Variants in NFATC1 observed in about 807,000 individuals in gnomAD.
NFATC1 encodes the protein nuclear factor of activated T cells 1.
A neutral mutation model predicts 76.0 loss-of-function variants in NFATC1; 22 were observed. That is an observed-to-expected ratio of 0.29 (90% CI 0.21 to 0.41). The LOEUF (loss-of-function observed/expected upper bound fraction) is 0.41, where lower values mean the gene tolerates loss of function less well. Ranked by LOEUF, NFATC1 falls within the 10% of genes least tolerant of loss-of-function variation. The pLI is 1.00. For missense variants in NFATC1, 1,357 were observed against 1,337.7 expected, an observed-to-expected ratio of 1.01 and a Z score of -0.23; for synonymous variants, 704 against 613.1, an observed-to-expected ratio of 1.15 and a Z score of -2.19.
chr18:79,519,994 C>G (rs1269288833), intron 9 of NFATC1, among the ~76,000 whole-genome samples: 1 of 152,192 alleles, frequency 6.6e-6, no homozygotes, highest in Admixed American at 6.5e-5. Flanking sequence ...GTTGTCCAGA[C>G]AGCAAGAAAC....
At position 79,465,204 on chromosome 18, in the gene NFATC1, T is replaced by A. The variant is rs1225924023; in HGVS notation, c.1960-2246T>A. On this transcript the variant is annotated intron_variant, in intron 7 of 9. Coordinates refer to ENST00000427363, the MANE Select transcript of NFATC1 (RefSeq NM_001278669.2). This position sits in a 1 kb window ranked among gnomAD's most constrained non-coding sequence, Gnocchi z 4.2. ...TTCTTCCGTGTTTCTTCTTTATCGC[T>A]TCCTTCTGTGTGTATTTAAGTGGCA... Among the ~76,000 whole-genome samples the A allele has an allele frequency of 6.6e-6, 1 of 152,176 alleles. No homozygotes were observed. Among genetic ancestry groups the A allele is most frequent in the Non-Finnish European group, 1.5e-5 (1 of 68,026 alleles).
intron 3 of NFATC1, among the ~76,000 whole-genome samples, chr18:79,437,705 C>T (rs1037317777): frequency 7.9e-5 from 12 of 152,238 alleles, no homozygotes; most frequent in Admixed American, 2.0e-4. Context: ...TCTGCCCTGA[C>T]GGCAGGCTCT....
At position 79,498,787 on chromosome 18, in the gene NFATC1, C is replaced by T. The variant is rs531158957; in HGVS notation, c.2782+11850C>T. Among the ~76,000 whole-genome samples, 10 of 152,352 alleles carry T rather than the reference C, an allele frequency of 6.6e-5. No homozygotes were observed. The South Asian group carries it at 1.9e-3, about 28-fold the overall frequency. Reference sequence around the variant, plus strand: ...AAGCAGTGAGAGGAAAACAGCTTCTCAGTACGTGGGATGCTCAGCAGGATT... The same window carrying T: ...AAGCAGTGAGAGGAAAACAGCTTCTTAGTACGTGGGATGCTCAGCAGGATT... On this transcript the variant is annotated intron_variant, in intron 9 of 9. Coordinates refer to ENST00000427363, the MANE Select transcript of NFATC1 (RefSeq NM_001278669.2).
At position 79,495,639 on chromosome 18, in the gene NFATC1, C is replaced by T. The variant is rs187089620; in HGVS notation, c.2782+8702C>T. Among the ~76,000 whole-genome samples, 474 of 152,368 alleles carry T rather than the reference C, an allele frequency of 3.1e-3. 3 individuals are homozygous for T. The highest frequency in any genetic ancestry group is 0.011 in the African/African-American group (448 of 41,594). The stretch of plus-strand genomic sequence containing the variant: ...TCTATTTTGTGCCGAAGAAAATTCA[C>T]GGCCAGTGGCAGCAAAGAGAGACCA... On this transcript the variant is annotated intron_variant, in intron 9 of 9. Transcript: ENST00000427363.
In NFATC1 at chr18:79,483,458, G is replaced by A. The variant is rs549263778; in HGVS notation, c.2093-2790G>A. 4.5e-5 allele frequency among the ~76,000 whole-genome samples: 6 copies of A among 132,574 alleles called. 1 individual carries two copies. The highest frequency in any genetic ancestry group is 2.1e-4 in the East Asian group (1 of 4,662). 87.0% of individuals were successfully genotyped at this position (132,574 alleles called of 152,430 possible). On this transcript the variant is annotated intron_variant, in intron 8 of 9. Coordinates refer to ENST00000427363, the MANE Select transcript of NFATC1 (RefSeq NM_001278669.2). The stretch of plus-strand genomic sequence containing the variant: ...CCTGGTCCTGGGGTGTAAGTCCAGC[G>A]TGACCTGGTTCCTGGGGTGTCACTC...
Position 79,411,309 on chromosome 18 carries a change from C to T in NFATC1, c.1034C>T (p.Ser345Leu), listed in dbSNP as rs771768091. 1 of 1,603,242 alleles carries T rather than the reference C, an allele frequency of 6.2e-7. No individual in the cohort carries two copies. The highest frequency in any genetic ancestry group is 8.5e-7 in the Non-Finnish European group (1 of 1,177,906). Residue 345 changes from serine (S) to leucine (L), a missense_variant, in exon 2 of 10, where the codon TCA (serine) becomes TTA (leucine). By Grantham distance (145) the Ser-to-Leu change is moderately radical. Coordinates refer to ENST00000427363, the MANE Select transcript of NFATC1 (RefSeq NM_001278669.2). The stretch of plus-strand genomic sequence containing the variant: ...AAGACCACCCTGGAGCAGCCGCCCT[C>T]AGTGGCGCTCAAGGTGGAGCCCGTC... ...SRKTTLEQPPSVALKVEPVGE... is the reference protein window; with the variant it reads ...SRKTTLEQPPLVALKVEPVGE...
At position 79,451,138 on chromosome 18, in the gene NFATC1, T is replaced by G; in HGVS notation, c.1762+12T>G. 1 of 1,601,828 alleles carries G rather than the reference T, an allele frequency of 6.2e-7. No individual in the cohort carries two copies. The highest frequency in any genetic ancestry group is 8.5e-7 in the Non-Finnish European group (1 of 1,171,480). On this transcript the variant is annotated intron_variant, in intron 5 of 9. Transcript: ENST00000427363. ...CCCCATCGAATGCTGTAAGTGGACG[T>G]CCACGCGCCCACAGGGGAGGAAACC...
chr18:79,483,309 G>A lies in NFATC1; in HGVS notation c.2093-2939G>A, dbSNP rs2596610. Among the ~76,000 whole-genome samples, 77 of 130,594 alleles carry A rather than the reference G, an allele frequency of 5.9e-4. 3 individuals carry two copies. The highest frequency in any genetic ancestry group is 1.8e-3 in the African/African-American group (61 of 33,614). 85.7% of individuals were successfully genotyped at this position (130,594 alleles called of 152,430 possible). ...CCTGGTCCTGGGGTGTCATTCCGGC[G>A]TGACCTGGTTCCTGGGGTGTCATTC... On this transcript the variant is annotated intron_variant, in intron 8 of 9. Coordinates refer to ENST00000427363, the MANE Select transcript of NFATC1 (RefSeq NM_001278669.2).
rs536573741 is a variant in NFATC1 at position 79,451,256 on chromosome 18, T to C, written c.1762+130T>C. ...ACGGTTCCCACCAAACCCACCACAG[T>C]GTGTGGCCACGAGGGGTCTGAGTTG... On this transcript the variant is annotated intron_variant, in intron 5 of 9. Coordinates refer to ENST00000427363, the MANE Select transcript of NFATC1 (RefSeq NM_001278669.2). 7 of 1,179,270 alleles carry C rather than the reference T, an allele frequency of 5.9e-6. No homozygotes were observed. In the African/African-American group the frequency reaches 9.2e-5, roughly 15 times the overall value. The allele number at this position is 1,179,270 out of a possible 1,614,324, so 73.1% of individuals were successfully genotyped here.
intron 9 of NFATC1, among the ~76,000 whole-genome samples, chr18:79,494,058 C>G (rs1018025429): frequency 6.6e-6 from 1 of 152,220 alleles, no homozygotes; most frequent in Non-Finnish European, 1.5e-5. Context: ...GAGGCGGCCA[C>G]CAGAGGCCGC....
In NFATC1 at chr18:79,433,573, T is replaced by C. The variant is rs922509315; in HGVS notation, c.1227-6T>C. ...TGAACGCCTCCTCTGCTCTGTTCCC[T>C]TCCAGCCCGACCCTGCCCGCCCTGG... On this transcript the variant is annotated splice_region_variant and splice_polypyrimidine_tract_variant and intron_variant, in intron 2 of 9. Coordinates refer to ENST00000427363, the MANE Select transcript of NFATC1 (RefSeq NM_001278669.2). 1.2e-6 allele frequency: 2 copies of C among 1,612,814 alleles called. No homozygotes were observed. Among genetic ancestry groups the C allele is most frequent in the African/African-American group, 2.7e-5 (2 of 74,916 alleles).
Position 79,433,749 on chromosome 18 carries a change from C to T in NFATC1, c.1386+11C>T, listed in dbSNP as rs1413118238. On this transcript the variant is annotated intron_variant, in intron 3 of 9. Coordinates refer to ENST00000427363, the MANE Select transcript of NFATC1 (RefSeq NM_001278669.2). The stretch of plus-strand genomic sequence containing the variant: ...CACCCCATCGTGCAGGTAGGCACTG[C>T]GGCCAGACTCGCACGTCACTTGGTG... The T allele has an allele frequency of 1.2e-6, 2 of 1,604,816 alleles. No individual in the cohort carries two copies. The highest frequency in any genetic ancestry group is 1.3e-5 in the African/African-American group (1 of 74,546).
chr18:79,485,513 G>A (rs893418556), intron 8 of NFATC1, among the ~76,000 whole-genome samples: 7 of 152,248 alleles, frequency 4.6e-5, no homozygotes, highest in African/African-American at 1.7e-4. Flanking sequence ...GTGGGCGTGG[G>A]CTGGGAGCCG....
chr18:79,426,230 A>G (rs1020979069), intron 2 of NFATC1, among the ~76,000 whole-genome samples: 3 of 144,710 alleles, frequency 2.1e-5, no homozygotes, highest in Non-Finnish European at 2.9e-5. Context: ...TCATTTCAGG[A>G]TATGTCTTTT....
At chr18:79,451,415 C>T (rs1290140838) in intron 5 of NFATC1, among the ~76,000 whole-genome samples, 3 of 152,364 alleles carry the variant, frequency 2.0e-5, no homozygotes, top group Admixed American at 2.0e-4. Flanking sequence ...CGTATTTGTG[C>T]GATGACTGTG....
At chr18:79,493,161 TC>T (rs2089740659) in intron 9 of NFATC1, among the ~76,000 whole-genome samples, 1 of 152,238 alleles carries the variant, frequency 6.6e-6, no homozygotes, top group South Asian at 2.1e-4. Flanking sequence ...TCCGTGTGGC[TC>T]CTTTTCTAAT....
intron 2 of NFATC1, among the ~76,000 whole-genome samples, chr18:79,416,342 G>A (rs919404688): frequency 5.3e-5 from 8 of 152,194 alleles, no homozygotes; most frequent in South Asian, 2.1e-4. Context: ...TTCCTCCTGC[G>A]TTTGAATGCC....
At chr18:79,464,702 A>ACACACATGTATATATATATATATATAT (rs2088368506) in intron 7 of NFATC1, among the ~76,000 whole-genome samples, 1 of 69,324 alleles carries the variant, frequency 1.4e-5, no homozygotes, top group African/African-American at 7.4e-5. Context: ...ATATTTATTT[A>ACACACATGTATATATATATATATATAT]TTTATTTATT....
intron 1 of NFATC1, among the ~76,000 whole-genome samples, chr18:79,401,345 C>T (rs1450491330): frequency 6.6e-6 from 1 of 152,124 alleles, no homozygotes; most frequent in African/African-American, 2.4e-5. Flanking sequence ...CCGTATCGTT[C>T]ACTACTCTCT....
Sources: gnomAD v4.1 joint callset for allele counts (sites outside exome capture counted in the v4.1 genomes callset) on GRCh38, gnomAD v4.1.1 for gene constraint, Gnocchi (gnomAD v3.1) non-coding constraint, MANE v1.5 for transcripts, NCBI Gene and HGNC (gene_info 2026-07-23, HGNC 2026-07-21) for gene names.